DMD: variants seen among roughly 807,000 people sequenced by gnomAD.
The protein encoded by DMD is mutant dystrophin.
Under a neutral mutation model 330.1 loss-of-function variants are expected in DMD, and 63 were observed. The ratio of observed to expected loss-of-function variants is 0.19; its 90% CI spans 0.16 to 0.24. DMD has a LOEUF of 0.24. Ranked by LOEUF, DMD falls within the 10% of genes least tolerant of loss-of-function variation. The pLI, the probability that DMD is intolerant of heterozygous loss-of-function variation, is 1.00. For synonymous variants in DMD, 1,223 were observed against 959.8 expected (o/e 1.27, Z -5.07); for missense variants, 3,344 against 2,684.1 (o/e 1.25, Z -5.43).
At chrX:33,010,014 ACACATATGTGTG>A (rs1272225405) in intron 2 of DMD, among the ~76,000 whole-genome samples, 19 of 75,059 alleles carry the variant, frequency 2.5e-4, no homozygotes, top group African/African-American at 7.2e-4. Flanking sequence ...ATGTGTATAT[ACACATATGTGTG>A]TACATGTGTA....
intron 63 of DMD, among the ~76,000 whole-genome samples, chrX:31,238,552 T>C (rs772162234): frequency 7.2e-5 from 8 of 111,728 alleles, no homozygotes; most frequent in African/African-American, 2.6e-4. Context: ...CCTGATACCA[T>C]CGAGTCCTTA....
At chrX:32,348,871 C>T (rs1419707029) in intron 37 of DMD, among the ~76,000 whole-genome samples, 1 of 111,440 alleles carries the variant, frequency 9.0e-6, no homozygotes, top group Non-Finnish European at 1.9e-5. Context: ...GATATAAATA[C>T]ATTTGGGTAA....
At chrX:31,680,878 A>T (rs1207240612) in intron 52 of DMD, among the ~76,000 whole-genome samples, 2 of 112,062 alleles carry the variant, frequency 1.8e-5, no homozygotes, top group Non-Finnish European at 3.8e-5. Flanking sequence ...TGGTTTTATG[A>T]AATAAAAATA....
At chrX:32,649,238 C>T (rs2059972574) in intron 9 of DMD, among the ~76,000 whole-genome samples, 1 of 109,663 alleles carries the variant, frequency 9.1e-6, no homozygotes. Flanking sequence ...CACCTATGTT[C>T]CTTGAAGACA....
At chrX:32,532,373 T>C (rs2047565426) in intron 17 of DMD, among the ~76,000 whole-genome samples, 1 of 111,916 alleles carries the variant, frequency 8.9e-6, no homozygotes. Flanking sequence ...AAGCATTTTA[T>C]TTCAGCTAAA....
intron 36 of DMD, 118 bp from the exon 37 acceptor site, chrX:32,363,076 G>A: frequency 2.8e-6 from 2 of 714,609 alleles, no homozygotes; most frequent in Non-Finnish European, 4.2e-6. Context: ...GAAAGAGAGA[G>A]AGAGAAAGTA....
At chrX:31,581,752 A>G (rs1423686436) in intron 55 of DMD, among the ~76,000 whole-genome samples, 3 of 112,119 alleles carry the variant, frequency 2.7e-5, no homozygotes, top group Non-Finnish European at 5.6e-5. Flanking sequence ...GAGTATTAGA[A>G]TATTAAAAAT....
At chrX:32,628,367 G>A (rs778894605) in intron 11 of DMD, among the ~76,000 whole-genome samples, 5 of 89,491 alleles carry the variant, frequency 5.6e-5, no homozygotes, top group Admixed American at 1.5e-4. Flanking sequence ...TCAACATAAC[G>A]TCCTCCAGTT....
At chrX:31,194,876 T>G (rs1473262449) in intron 67 of DMD, among the ~76,000 whole-genome samples, 2 of 111,558 alleles carry the variant, frequency 1.8e-5, no homozygotes, top group Non-Finnish European at 3.8e-5. Context: ...AACGCAAAAT[T>G]GATTTCCTTC....
chrX:33,294,668 C>A (rs1310792255), intron 1 of DMD, among the ~76,000 whole-genome samples: 2 of 107,774 alleles, frequency 1.9e-5, no homozygotes, highest in Non-Finnish European at 3.9e-5. Flanking sequence ...CAAAATGTGT[C>A]AAATTTTTTA....
chrX:32,560,317 G>T (rs1338003646), intron 16 of DMD, among the ~76,000 whole-genome samples: 2 of 110,881 alleles, frequency 1.8e-5, no homozygotes, highest in Admixed American at 9.7e-5. Context: ...ATACCAAATT[G>T]TAAAGCATAT....
chrX:33,332,055 A>T (rs758605013), intron 1 of DMD, among the ~76,000 whole-genome samples: 3 of 111,808 alleles, frequency 2.7e-5, no homozygotes, highest in Non-Finnish European at 5.7e-5. Context: ...CAACACTATC[A>T]AAGGAGACAC....
chrX:31,318,444 C>G (rs916356368), intron 62 of DMD, among the ~76,000 whole-genome samples: 7 of 112,301 alleles, frequency 6.2e-5, no homozygotes, highest in African/African-American at 2.3e-4. Flanking sequence ...GCAACAGTAA[C>G]AAGAAATGTT....
intron 44 of DMD, among the ~76,000 whole-genome samples, chrX:32,068,631 T>C (rs1035118746): frequency 9.0e-6 from 1 of 110,641 alleles, no homozygotes; most frequent in African/African-American, 3.3e-5. Flanking sequence ...ACATGACATC[T>C]TGGTAGGATT....
At chrX:32,028,866 C>T (rs1447342243) in intron 44 of DMD, among the ~76,000 whole-genome samples, 11 of 111,119 alleles carry the variant, frequency 9.9e-5, no homozygotes, top group African/African-American at 3.3e-4. Context: ...AAAACACTTT[C>T]TTTTTCTTCA....
At chrX:32,456,618 ATGTGTG>A (rs776009074) in intron 25 of DMD, among the ~76,000 whole-genome samples, 23 of 69,405 alleles carry the variant, frequency 3.3e-4, no homozygotes, top group Admixed American at 3.3e-3. Context: ...GTGTGTGTGT[ATGTGTG>A]TGTGTGTGTG....
At chrX:31,274,725 T>C (rs1324240569) in intron 62 of DMD, among the ~76,000 whole-genome samples, 2 of 112,477 alleles carry the variant, frequency 1.8e-5, no homozygotes, top group African/African-American at 6.5e-5. Flanking sequence ...AGTTTCTCTA[T>C]TAAATATTAT....
chrX:32,971,581 A>G (rs1437398998), intron 2 of DMD, among the ~76,000 whole-genome samples: 1 of 111,670 alleles, frequency 9.0e-6, no homozygotes. Context: ...CCTGTTACAC[A>G]TGCCACATTC....
chrX:32,361,301 A>G (rs1449491723), intron 37 of DMD, among the ~76,000 whole-genome samples: 1 of 111,603 alleles, frequency 9.0e-6, no homozygotes, highest in African/African-American at 3.2e-5. Flanking sequence ...ACTTTAATCA[A>G]TTTTAAGAGC....
Sources: allele counts gnomAD v4.1 joint callset (sites outside exome capture counted in the v4.1 genomes callset), GRCh38; gene constraint gnomAD v4.1.1; transcripts MANE v1.5; gene names NCBI Gene and HGNC (gene_info 2026-07-23, HGNC 2026-07-21).